Variants in FARS2 observed in about 807,000 individuals in gnomAD.
FARS2 encodes phenylalanine--tRNA ligase, mitochondrial.
Under a neutral mutation model 46.4 loss-of-function variants are expected in FARS2, and 40 were observed. That is an observed-to-expected ratio of 0.86 (90% CI 0.67 to 1.12). The LOEUF is 1.12. FARS2 is among the 50% of genes most tolerant of loss of function. FARS2 has a pLI of 0.00. For synonymous variants in FARS2, 234 were observed against 214.9 expected (o/e 1.09, Z -0.78); for missense variants, 513 against 567.9 (o/e 0.90, Z 0.98).
chr6:5,292,454 A>G (rs1393556734), intron 1 of FARS2, among the ~76,000 whole-genome samples: 3 of 152,158 alleles, frequency 2.0e-5, no homozygotes, highest in Non-Finnish European at 2.9e-5. Context: ...GGAGAGATGG[A>G]CAAATGCCAG....
chr6:5,546,438 G>T (rs890064683), intron 5 of FARS2, among the ~76,000 whole-genome samples: 6 of 151,528 alleles, frequency 4.0e-5, no homozygotes, highest in Non-Finnish European at 8.8e-5. Context: ...TTTTAGTAGA[G>T]ACGGGGTTTC....
At chr6:5,266,231 A>G (rs902439966) in intron 1 of FARS2, among the ~76,000 whole-genome samples, 2 of 152,232 alleles carry the variant, frequency 1.3e-5, no homozygotes, top group Admixed American at 6.5e-5. Flanking sequence ...TGTAGAGTGC[A>G]TGAGGGTGAG....
At chr6:5,430,090 T>G (rs11751606) in intron 3 of FARS2, among the ~76,000 whole-genome samples, 3 of 152,144 alleles carry the variant, frequency 2.0e-5, no homozygotes, top group Non-Finnish European at 2.9e-5. Context: ...TATGGTATTT[T>G]AAATTCACAA....
chr6:5,658,662 A>G (rs1215296752), intron 6 of FARS2, among the ~76,000 whole-genome samples: 1 of 152,220 alleles, frequency 6.6e-6, no homozygotes, highest in Non-Finnish European at 1.5e-5. Context: ...AGAATTTTTC[A>G]TCAAAGAACT....
At chr6:5,680,266 A>G (rs1358174884) in intron 6 of FARS2, among the ~76,000 whole-genome samples, 1 of 152,204 alleles carries the variant, frequency 6.6e-6, no homozygotes, top group African/African-American at 2.4e-5. Context: ...ACTGAGACAC[A>G]TAACCAGGAA....
rs187968421 is a variant in FARS2 at position 5,466,462 on chromosome 6, G to A, written c.904+35290G>A. On this transcript the variant is annotated intron_variant, in intron 4 of 6. Coordinates refer to ENST00000274680, the MANE Select transcript of FARS2 (RefSeq NM_006567.5). Reference sequence around the variant, plus strand: ...TGTCTTAGTCAGCTCTATATTCCCAGGCTTAGCTCTGAAAACATAATAAAT... The same window carrying A: ...TGTCTTAGTCAGCTCTATATTCCCAAGCTTAGCTCTGAAAACATAATAAAT... 5 of 927,252 alleles carry A rather than the reference G, an allele frequency of 5.4e-6. No individual in the cohort carries two copies. The Admixed American group carries it at 1.9e-4, about 34-fold the overall frequency. The allele number at this position is 927,252 out of a possible 1,614,324, so 57.4% of individuals were successfully genotyped here. A position where few individuals can be genotyped will look rare whatever the true frequency, so the allele number is the denominator to read the frequency against.
intron 1 of FARS2, among the ~76,000 whole-genome samples, chr6:5,278,230 A>G (rs1244694618): frequency 6.6e-6 from 1 of 152,204 alleles, no homozygotes; most frequent in African/African-American, 2.4e-5. Flanking sequence ...CTAAAGCAGA[A>G]CTGAAATAAC....
chr6:5,295,290 A>G (rs1347723646), intron 1 of FARS2, among the ~76,000 whole-genome samples: 4 of 152,358 alleles, frequency 2.6e-5, no homozygotes, highest in East Asian at 1.9e-4. Flanking sequence ...GTGAAAACAT[A>G]TTTTTAAAAG....
chr6:5,554,430 T>C (rs1771538369), intron 5 of FARS2, among the ~76,000 whole-genome samples: 1 of 152,006 alleles, frequency 6.6e-6, no homozygotes, highest in African/African-American at 2.4e-5. Flanking sequence ...ATGCCTAGAG[T>C]CCCAGGGAAA....
At chr6:5,594,804 G>C (rs1774107736) in intron 5 of FARS2, among the ~76,000 whole-genome samples, 2 of 152,206 alleles carry the variant, frequency 1.3e-5, no homozygotes, top group African/African-American at 4.8e-5. Flanking sequence ...CATCTCTGAG[G>C]AGGGGTTCGA....
chr6:5,525,643 A>T (rs1769416824), intron 4 of FARS2, among the ~76,000 whole-genome samples: 1 of 152,234 alleles, frequency 6.6e-6, no homozygotes, highest in South Asian at 2.1e-4. Context: ...ATTAAGATTT[A>T]AAAATAAGGA....
chr6:5,404,370 G>C (rs900910176), intron 2 of FARS2, among the ~76,000 whole-genome samples, 172 bp from the exon 3 acceptor site: 1 of 152,178 alleles, frequency 6.6e-6, no homozygotes, highest in Non-Finnish European at 1.5e-5. Context: ...GTTTTCTTCA[G>C]AGTTGTACTA....
chr6:5,608,959 CAAAA>C (rs940025298), intron 5 of FARS2, among the ~76,000 whole-genome samples: 1 of 145,510 alleles, frequency 6.9e-6, no homozygotes, highest in Admixed American at 6.8e-5. Flanking sequence ...GCATGGGTGC[CAAAA>C]AAAAAAATCT....
At chr6:5,581,555 C>A (rs1412437375) in intron 5 of FARS2, among the ~76,000 whole-genome samples, 1 of 152,194 alleles carries the variant, frequency 6.6e-6, no homozygotes, top group Non-Finnish European at 1.5e-5. Flanking sequence ...CTTGTTTGCT[C>A]TGAGCCCTGG....
At chr6:5,667,755 G>A (rs1778218113) in intron 6 of FARS2, among the ~76,000 whole-genome samples, 1 of 152,150 alleles carries the variant, frequency 6.6e-6, no homozygotes, top group South Asian at 2.1e-4. Context: ...AGGGGGAAGT[G>A]GAGACCCAGC....
chr6:5,364,371 C>T (rs529997265), intron 1 of FARS2, among the ~76,000 whole-genome samples: 3 of 152,288 alleles, frequency 2.0e-5, no homozygotes, highest in Admixed American at 6.5e-5. Context: ...AGTATCTCTG[C>T]GAAGTCTGGC....
intron 6 of FARS2, among the ~76,000 whole-genome samples, chr6:5,746,661 G>C (rs558372302): frequency 6.6e-6 from 1 of 152,082 alleles, no homozygotes; most frequent in African/African-American, 2.4e-5. Flanking sequence ...AGGCAGAGGT[G>C]GGGGTGGGGG....
intron 6 of FARS2, among the ~76,000 whole-genome samples, chr6:5,646,378 G>C (rs550998248): frequency 2.0e-4 from 30 of 152,184 alleles, no homozygotes; most frequent in Non-Finnish European, 3.5e-4. Flanking sequence ...AGGTCACTCA[G>C]CTTCTGTGAA....
intron 1 of FARS2, among the ~76,000 whole-genome samples, chr6:5,290,080 A>G (rs1470900110): frequency 6.6e-6 from 1 of 152,248 alleles, no homozygotes; most frequent in Non-Finnish European, 1.5e-5. Context: ...AGTTTTGGAC[A>G]GAAATAAGAA....
Sources: allele counts gnomAD v4.1 joint callset (sites outside exome capture counted in the v4.1 genomes callset), GRCh38; gene constraint gnomAD v4.1.1; transcripts MANE v1.5; gene names NCBI Gene and HGNC (gene_info 2026-07-23, HGNC 2026-07-21).